The following RABGAP1L variants were observed in gnomAD, a reference collection of about 807,000 sequenced individuals.
RABGAP1L encodes rab GTPase-activating protein 1-like.
A neutral mutation model predicts 137.7 loss-of-function variants in RABGAP1L; 63 were observed. That is an observed-to-expected ratio of 0.46 (90% confidence interval 0.37 to 0.56). The LOEUF is 0.56. RABGAP1L is among the 20% of genes least tolerant of loss of function. The pLI, the probability that RABGAP1L is intolerant of heterozygous loss-of-function variation, is 0.00. For missense variants in RABGAP1L, 1,095 were observed against 1,244.0 expected, an observed-to-expected ratio of 0.88 and a Z score of 1.80; for synonymous variants, 431 against 433.7, an observed-to-expected ratio of 0.99 and a Z score of 0.08.
At chr1:174,517,152 A>G (rs898231916) in intron 13 of RABGAP1L, among the ~76,000 whole-genome samples, 50 of 152,152 alleles carry the variant, frequency 3.3e-4, no homozygotes, top group African/African-American at 1.1e-3. Flanking sequence ...TTTCACTAAG[A>G]TATAAGATTA....
At chr1:174,328,491 C>T (rs547918083) in intron 11 of RABGAP1L, among the ~76,000 whole-genome samples, 16 of 152,166 alleles carry the variant, frequency 1.1e-4, no homozygotes, top group South Asian at 4.2e-4. Context: ...ATTTCTTGGC[C>T]GGGCACGTTG....
At chr1:174,273,198 G>A (rs2148663620) in intron 8 of RABGAP1L, among the ~76,000 whole-genome samples, 1 of 151,964 alleles carries the variant, frequency 6.6e-6, no homozygotes, top group African/African-American at 2.4e-5. Context: ...TTTTAGCTGT[G>A]TTTTGCAAAT....
intron 19 of RABGAP1L, among the ~76,000 whole-genome samples, chr1:174,854,393 AG>A (rs1339263223): frequency 6.6e-6 from 1 of 152,158 alleles, no homozygotes; most frequent in African/African-American, 2.4e-5. Flanking sequence ...ATAAAACACT[AG>A]GGGAAATGCC....
chr1:174,240,309 C>T (rs965282802), intron 4 of RABGAP1L, among the ~76,000 whole-genome samples: 23 of 152,242 alleles, frequency 1.5e-4, no homozygotes, highest in African/African-American at 5.1e-4. Flanking sequence ...TGCAGTGGCA[C>T]GATCTTGGTG....
intron 13 of RABGAP1L, among the ~76,000 whole-genome samples, chr1:174,618,967 G>A (rs973743432): frequency 7.9e-5 from 12 of 152,078 alleles, no homozygotes; most frequent in Non-Finnish European, 1.3e-4. Flanking sequence ...AGCTGAAAAC[G>A]AAGACATGAG....
intron 13 of RABGAP1L, among the ~76,000 whole-genome samples, chr1:174,624,371 T>C (rs1048418421): frequency 2.6e-5 from 4 of 152,216 alleles, no homozygotes; most frequent in African/African-American, 9.6e-5. Flanking sequence ...TCCATTGATA[T>C]GTATACCTAT....
intron 1 of RABGAP1L, among the ~76,000 whole-genome samples, chr1:174,205,008 G>A (rs887646183): frequency 6.6e-6 from 1 of 152,184 alleles, no homozygotes; most frequent in Non-Finnish European, 1.5e-5. Flanking sequence ...GTTCTTTATA[G>A]CAATGTGAGA....
At chr1:174,174,042 C>T (rs1001722673) in intron 1 of RABGAP1L, among the ~76,000 whole-genome samples, 1 of 152,092 alleles carries the variant, frequency 6.6e-6, no homozygotes, top group Non-Finnish European at 1.5e-5. Flanking sequence ...TCGCTGAGAG[C>T]TTATTTTTAC....
chr1:174,282,564 T>C (rs1675670752), intron 10 of RABGAP1L, among the ~76,000 whole-genome samples: 2 of 152,222 alleles, frequency 1.3e-5, no homozygotes, highest in African/African-American at 4.8e-5. Context: ...TTCCTGACAG[T>C]GGCTTGCCTT....
chr1:174,385,193 G>A (rs1481182486), intron 12 of RABGAP1L, among the ~76,000 whole-genome samples: 1 of 152,180 alleles, frequency 6.6e-6, no homozygotes, highest in Non-Finnish European at 1.5e-5. Context: ...TGGTAGCAGA[G>A]GGTGACATGT....
At chr1:174,777,719 G>A (rs1247834989) in intron 18 of RABGAP1L, among the ~76,000 whole-genome samples, 1 of 152,126 alleles carries the variant, frequency 6.6e-6, no homozygotes, top group African/African-American at 2.4e-5. Flanking sequence ...TAAACTTTAA[G>A]AGATAAAAAT....
At chr1:174,745,481 A>G (rs1683799569) in intron 17 of RABGAP1L, among the ~76,000 whole-genome samples, 1 of 152,176 alleles carries the variant, frequency 6.6e-6, no homozygotes, top group African/African-American at 2.4e-5. Context: ...ATATCTAACA[A>G]AAGTCTCACT....
intron 15 of RABGAP1L, among the ~76,000 whole-genome samples, chr1:174,688,069 A>G (rs1678609699): frequency 6.6e-6 from 1 of 152,172 alleles, no homozygotes; most frequent in South Asian, 2.1e-4. Flanking sequence ...TGTCATTTAC[A>G]GTTGGAGAAT....
intron 25 of RABGAP1L, among the ~76,000 whole-genome samples, chr1:174,989,389 C>G (rs1193976339): frequency 1.3e-5 from 2 of 152,322 alleles, no homozygotes; most frequent in Admixed American, 6.5e-5. Context: ...CCATGGCTGC[C>G]ATGTCACCAG....
Position 174,830,954 on chromosome 1 carries a change from T to C in RABGAP1L, c.2340+18994T>C, listed in dbSNP as rs186155519. ...CTAACCTATGATACTGATTCTATCATACATCAGAAAGGTGGGTTTCCAGAG... is the reference window on the plus strand; with the variant it reads ...CTAACCTATGATACTGATTCTATCACACATCAGAAAGGTGGGTTTCCAGAG... On this transcript the variant is annotated intron_variant, in intron 19 of 25. Transcript: ENST00000681986. Among the ~76,000 whole-genome samples, 10 of 148,286 alleles carry C rather than the reference T, an allele frequency of 6.7e-5. 1 individual carries two copies. The highest frequency in any genetic ancestry group is 1.2e-4 in the Non-Finnish European group (8 of 66,610).
At chr1:174,434,142 CA>C (rs1481209824) in intron 13 of RABGAP1L, among the ~76,000 whole-genome samples, 1 of 151,722 alleles carries the variant, frequency 6.6e-6, no homozygotes, top group African/African-American at 2.4e-5. Context: ...CACACACACA[CA>C]CACACACACC....
intron 3 of RABGAP1L, 119 bp downstream of exon 3, chr1:174,221,283 G>A (rs1296703130): frequency 8.8e-6 from 7 of 799,894 alleles, no homozygotes; most frequent in Non-Finnish European, 5.7e-6. Flanking sequence ...CTTGTTGAGA[G>A]TTTCCACTTC....
At chr1:174,818,205 G>A (rs561924539) in intron 19 of RABGAP1L, among the ~76,000 whole-genome samples, 5 of 152,300 alleles carry the variant, frequency 3.3e-5, no homozygotes, top group African/African-American at 9.6e-5. Flanking sequence ...GAAGGGTGGA[G>A]GATAGATGCA....
chr1:174,759,283 TAAAAAAAAAAA>T (rs59159307), intron 18 of RABGAP1L, among the ~76,000 whole-genome samples: 2 of 130,688 alleles, frequency 1.5e-5, no homozygotes, highest in African/African-American at 5.7e-5. Flanking sequence ...GTAATTTATT[TAAAAAAAAAAA>T]AAAAAAAAAA....
Sources: gnomAD v4.1 joint callset for allele counts (sites outside exome capture counted in the v4.1 genomes callset) on GRCh38, gnomAD v4.1.1 for gene constraint, MANE v1.5 for transcripts, NCBI Gene and HGNC (gene_info 2026-07-23, HGNC 2026-07-21) for gene names.